Variants in PDE3A observed in about 807,000 individuals in gnomAD.
PDE3A encodes the protein phosphodiesterase 3A, also known as cGMP-inhibited 3',5'-cyclic phosphodiesterase 3A.
Under a neutral mutation model 98.3 loss-of-function variants are expected in PDE3A, and 43 were observed. The ratio of observed to expected loss-of-function variants is 0.44; its 90% CI spans 0.34 to 0.56. The LOEUF (loss-of-function observed/expected upper bound fraction) is 0.56, where lower values mean the gene tolerates loss of function less well. Among genes scored for constraint, PDE3A ranks in the 20% least tolerant of loss-of-function variants. The pLI is 0.01. For synonymous variants in PDE3A, 663 were observed against 567.9 expected (o/e 1.17, Z -2.38); for missense variants, 1,427 against 1,440.7 (o/e 0.99, Z 0.15).
Position 20,552,564 on chromosome 12 carries a change from C to G in PDE3A, c.961-4096C>G. On this transcript the variant is annotated intron_variant, in intron 1 of 15. Transcript: ENST00000359062. This position sits in a 1 kb window ranked among gnomAD's most constrained non-coding sequence, Gnocchi z 5.1. ...TCGCGTCCCCCAGGACGGGCAAGGG[C>G]AAGTGGAAGCGGAAGTCGGCAGGAG... 1 of 1,613,630 alleles carries G rather than the reference C, an allele frequency of 6.2e-7. No homozygotes were observed. Among genetic ancestry groups the G allele is most frequent in the Non-Finnish European group, 8.5e-7 (1 of 1,179,784 alleles).
intron 1 of PDE3A, among the ~76,000 whole-genome samples, chr12:20,517,470 G>A (rs1946344142): frequency 1.3e-5 from 2 of 152,120 alleles, no homozygotes; most frequent in African/African-American, 4.8e-5. Flanking sequence ...TATTCAGAAT[G>A]TTTTTTCTCC....
Position 20,532,310 on chromosome 12 carries a change from A to T in PDE3A, c.961-24350A>T, listed in dbSNP as rs74064978. Among the ~76,000 whole-genome samples, 262 of 152,214 alleles carry T rather than the reference A, an allele frequency of 1.7e-3. 2 individuals are homozygous for T. Among genetic ancestry groups the T allele is most frequent in the African/African-American group, 6.0e-3 (250 of 41,548 alleles). On this transcript the variant is annotated intron_variant, in intron 1 of 15. Coordinates refer to ENST00000359062, the MANE Select transcript of PDE3A (RefSeq NM_000921.5). Reference sequence around the variant, plus strand: ...AACATGGAGTAATTTGTGGATATATATATATTGTGTGGGTATTTGAAATTT... The same window carrying T: ...AACATGGAGTAATTTGTGGATATATTTATATTGTGTGGGTATTTGAAATTT...
At chr12:20,421,599 A>T (rs766070587) in intron 1 of PDE3A, among the ~76,000 whole-genome samples, 2 of 121,798 alleles carry the variant, frequency 1.6e-5, no homozygotes, top group Non-Finnish European at 3.2e-5. Flanking sequence ...TATTGGTAAT[A>T]AAAAAAAAAA....
chr12:20,435,761 G>A (rs1944769492), intron 1 of PDE3A, among the ~76,000 whole-genome samples: 1 of 152,112 alleles, frequency 6.6e-6, no homozygotes, highest in Non-Finnish European at 1.5e-5. Context: ...TTTTTATACT[G>A]TCATACAGGC....
At chr12:20,631,393 G>C (rs935086833) in intron 6 of PDE3A, among the ~76,000 whole-genome samples, 5 of 152,096 alleles carry the variant, frequency 3.3e-5, no homozygotes, top group Non-Finnish European at 7.4e-5. Context: ...ATTTATTTTT[G>C]TTGTTTCATT....
At chr12:20,616,185 G>C in intron 3 of PDE3A, 45 bp from the exon 4 acceptor site, 1 of 1,547,000 alleles carries the variant, frequency 6.5e-7, no homozygotes, top group Non-Finnish European at 8.8e-7. Flanking sequence ...TAAAATTTAA[G>C]AGATATAAAA....
intron 1 of PDE3A, among the ~76,000 whole-genome samples, chr12:20,471,501 A>G (rs1461513485): frequency 6.6e-6 from 1 of 152,144 alleles, no homozygotes; most frequent in Non-Finnish European, 1.5e-5. Flanking sequence ...TTCTAGAAAT[A>G]CGGAGTCCAA....
chr12:20,602,674 T>C (rs1348839943), intron 2 of PDE3A, among the ~76,000 whole-genome samples: 4 of 152,156 alleles, frequency 2.6e-5, no homozygotes. Context: ...CCTATAGGTT[T>C]TCCTCCTACT....
intron 1 of PDE3A, among the ~76,000 whole-genome samples, chr12:20,455,381 C>T (rs1945136785): frequency 6.6e-6 from 1 of 152,074 alleles, no homozygotes. Context: ...GCATAGTTTG[C>T]AAAAATGTTC....
Position 20,369,198 on chromosome 12 carries a change from T to TGC in PDE3A, c.-86_-85insCG. 1.3e-6 allele frequency: 1 copy of TGC among 798,304 alleles called. No individual in the cohort carries two copies. The highest frequency in any genetic ancestry group is 1.8e-5 in the South Asian group (1 of 54,440). The allele number at this position is 798,304 out of a possible 1,614,324, so 49.5% of individuals were successfully genotyped here. A position where few individuals can be genotyped will look rare whatever the true frequency, so the allele number is the denominator to read the frequency against. On this transcript the variant is annotated 5_prime_UTR_variant, in exon 1 of 16. Transcript: ENST00000359062. ...TGGGAAGAGCGTGCGTGCGTGTGTG[T>TGC]GTGTGTGTGTGTGCGCGCGCGCGCG...
intron 2 of PDE3A, among the ~76,000 whole-genome samples, chr12:20,588,448 T>C (rs1181350938): frequency 6.6e-6 from 1 of 152,140 alleles, no homozygotes; most frequent in African/African-American, 2.4e-5. Flanking sequence ...AGGACTATAA[T>C]GTGATCATTC....
intron 4 of PDE3A, 61 bp from the exon 5 acceptor site, chr12:20,621,235 C>A: frequency 1.1e-6 from 1 of 927,314 alleles, no homozygotes; most frequent in Non-Finnish European, 1.8e-6. Context: ...CAAGACTGGC[C>A]CAATAACTGA....
intron 15 of PDE3A, among the ~76,000 whole-genome samples, chr12:20,667,364 A>G (rs370305901): frequency 2.6e-5 from 4 of 152,266 alleles, no homozygotes; most frequent in East Asian, 1.9e-4. Flanking sequence ...TCAATGTCCT[A>G]TAGAACTTCC....
chr12:20,369,738 C>A lies in PDE3A; in HGVS notation c.454C>A (p.Arg152Ser). ...CTTCTGGATGGGCTTGTACCTCCTG[C>A]GCGCCGGGGTGCGCCTGCCTCTGGC... Reference protein sequence around the residue: ...AFFWMGLYLLRAGVRLPLAVA... With the variant: ...AFFWMGLYLLSAGVRLPLAVA... The change falls in exon 1 of 16, where the codon CGC (arginine) becomes AGC (serine). Residue 152 changes from arginine to serine, a missense_variant. Around this residue, in one of 3 missense-constraint regions of PDE3A, gnomAD observed 1,012 missense variants for 886.5 expected, o/e 1.14. Transcript: ENST00000359062. 1 of 1,612,220 alleles carries A rather than the reference C, an allele frequency of 6.2e-7. No individual in the cohort carries two copies. Among genetic ancestry groups the A allele is most frequent in the Non-Finnish European group, 8.5e-7 (1 of 1,179,720 alleles).
At chr12:20,374,747 G>T (rs1591856092) in intron 1 of PDE3A, among the ~76,000 whole-genome samples, 3 of 152,124 alleles carry the variant, frequency 2.0e-5, no homozygotes, top group East Asian at 3.9e-4. Context: ...TATATTTTAA[G>T]ATTTTTCCAT....
intron 1 of PDE3A, among the ~76,000 whole-genome samples, chr12:20,390,754 A>G (rs1430537878): frequency 1.3e-5 from 2 of 152,072 alleles, no homozygotes; most frequent in East Asian, 3.9e-4. Context: ...AAAATATTTT[A>G]ATACCACAAC....
intron 8 of PDE3A, among the ~76,000 whole-genome samples, chr12:20,635,615 T>C (rs762887845): frequency 1.7e-4 from 25 of 149,478 alleles, no homozygotes; most frequent in Non-Finnish European, 2.8e-4. Flanking sequence ...TACCCAGGCA[T>C]GGTGGCAGGT....
intron 1 of PDE3A, among the ~76,000 whole-genome samples, chr12:20,546,499 A>T (rs555053155): frequency 1.9e-4 from 29 of 152,184 alleles, no homozygotes; most frequent in African/African-American, 6.7e-4. Flanking sequence ...GGAGACATAC[A>T]GTTCAGGCTC....
At chr12:20,669,815 C>T (rs1441562079) in intron 15 of PDE3A, among the ~76,000 whole-genome samples, 2 of 151,334 alleles carry the variant, frequency 1.3e-5, no homozygotes, top group Non-Finnish European at 2.9e-5. Context: ...AACCAGCTAA[C>T]ATCATAATGA....
Sources: gnomAD v4.1 joint callset for allele counts (sites outside exome capture counted in the v4.1 genomes callset) on GRCh38, gnomAD v4.1.1 for gene constraint, gnomAD v4.1.1 regional missense constraint, Gnocchi (gnomAD v3.1) non-coding constraint, MANE v1.5 for transcripts, NCBI Gene and HGNC (gene_info 2026-07-23, HGNC 2026-07-21) for gene names.